INTS12: variants seen among roughly 807,000 people sequenced by gnomAD.
INTS12 encodes integrator complex subunit 12.
A neutral mutation model predicts 41.6 loss-of-function variants in INTS12; 13 were observed. The observed-to-expected ratio is 0.31, with a 90% CI of 0.20 to 0.50. The LOEUF (loss-of-function observed/expected upper bound fraction) is 0.50, where lower values mean the gene tolerates loss of function less well. INTS12 is among the 20% of genes least tolerant of loss of function. INTS12 has a pLI of 0.98. For missense variants in INTS12, 432 were observed against 541.6 expected, an observed-to-expected ratio of 0.80 and a Z score of 2.01; for synonymous variants, 199 against 191.4, an observed-to-expected ratio of 1.04 and a Z score of -0.33.
chr4:105,695,483 C>G, intron 4 of INTS12, 33 bp downstream of exon 4: 1 of 1,537,612 alleles, frequency 6.5e-7, no homozygotes. Flanking sequence ...AACTAATTTA[C>G]TTTCTTTTAA....
intron 1 of INTS12, among the ~76,000 whole-genome samples, chr4:105,707,258 C>A (rs1420014804): frequency 6.6e-6 from 1 of 152,072 alleles, no homozygotes; most frequent in Non-Finnish European, 1.5e-5. Context: ...AATAGTCTCT[C>A]CATTCAAGGA....
At chr4:105,697,432 A>G (rs1731907450) in intron 3 of INTS12, among the ~76,000 whole-genome samples, 1 of 152,186 alleles carries the variant, frequency 6.6e-6, no homozygotes, top group African/African-American at 2.4e-5. Flanking sequence ...AAGAGAAGAA[A>G]AAGGAAGGAG....
chr4:105,687,185 T>C (rs969883758), intron 6 of INTS12: 49 of 243,716 alleles, frequency 2.0e-4, no homozygotes, highest in Admixed American at 1.3e-3. Flanking sequence ...TTATTTCTCA[T>C]TGGGGTTTGT....
chr4:105,693,609 A>G, intron 4 of INTS12, 123 bp from the exon 5 acceptor site: 1 of 687,096 alleles, frequency 1.5e-6, no homozygotes, highest in South Asian at 2.0e-5. Flanking sequence ...ATATTCACAT[A>G]GTTAGGGACA....
chr4:105,695,657 T>C lies in INTS12; in HGVS notation c.168A>G (p.Pro56=). The C allele has an allele frequency of 6.2e-7, 1 of 1,612,104 alleles. No homozygotes were observed. Among genetic ancestry groups the C allele is most frequent in the Non-Finnish European group, 8.5e-7 (1 of 1,179,382 alleles). ...TGTTTTTTGTGCTTGAAATTTTGGG[T>C]GGCTCCACATCCTAAAAGATGAAAA... ...SYRPSQKDVE[P]PKISSTKNIS... The change falls in exon 4 of 8, where the codon CCA becomes CCG. Residue 56 remains proline, a synonymous_variant. Transcript: ENST00000340139.
At chr4:105,695,486 T>C in intron 4 of INTS12, 30 bp downstream of exon 4, 1 of 1,548,750 alleles carries the variant, frequency 6.5e-7, no homozygotes, top group Non-Finnish European at 8.8e-7. Flanking sequence ...TAATTTACTT[T>C]CTTTTAACAA....
intron 2 of INTS12, among the ~76,000 whole-genome samples, chr4:105,701,625 C>G (rs752359029): frequency 3.9e-5 from 6 of 152,100 alleles, no homozygotes; most frequent in Non-Finnish European, 5.9e-5. Flanking sequence ...ACAAGGGTAA[C>G]AGCCTAATCT....
intron 3 of INTS12, among the ~76,000 whole-genome samples, chr4:105,697,945 G>A (rs1025245963): frequency 3.9e-5 from 6 of 152,170 alleles, no homozygotes; most frequent in Non-Finnish European, 8.8e-5. Flanking sequence ...AGCTACTCAA[G>A]AGGCTGAAGT....
chr4:105,683,177 T>G lies in INTS12; in HGVS notation c.945A>C (p.Gln315His). The change falls in exon 8 of 8, where the codon CAA (glutamine) becomes CAC (histidine). Residue 315 changes from glutamine (Q) to histidine (H), a missense_variant. Coordinates refer to ENST00000340139, the MANE Select transcript of INTS12 (RefSeq NM_020395.4). ...AAGTAGCAGGTTTCCCAGTATTGTT[T>G]TGTGTTGTTGAACTCAATTTTGCTG... ...PSTAKLSSTT[Q>H]NNTGKPATSS... 3 of 1,614,086 alleles carry G rather than the reference T, an allele frequency of 1.9e-6. No homozygotes were observed. The highest frequency in any genetic ancestry group is 2.5e-6 in the Non-Finnish European group (3 of 1,179,960).
At chr4:105,695,402 A>G (rs2149184685) in intron 4 of INTS12, 114 bp downstream of exon 4, 1 of 716,884 alleles carries the variant, frequency 1.4e-6, no homozygotes, top group East Asian at 2.8e-5. Flanking sequence ...AGTGTTGATT[A>G]TTATATACCT....
chr4:105,703,078 C>G (rs1241301032), intron 2 of INTS12: 2 of 933,374 alleles, frequency 2.1e-6, no homozygotes, highest in African/African-American at 3.6e-5. Flanking sequence ...TACTTCTATA[C>G]AATTCCTTTC....
intron 4 of INTS12, 53 bp from the exon 5 acceptor site, chr4:105,693,539 T>C (rs550719801): frequency 1.4e-6 from 2 of 1,481,366 alleles, no homozygotes; most frequent in East Asian, 2.3e-5. Flanking sequence ...GAATAAACTT[T>C]AAGTCACTGA....
At chr4:105,691,671 G>A (rs2149181529) in intron 6 of INTS12, among the ~76,000 whole-genome samples, 1 of 152,194 alleles carries the variant, frequency 6.6e-6, no homozygotes, top group South Asian at 2.1e-4. Flanking sequence ...GTGCTGCATG[G>A]TATTTTAAAA....
chr4:105,686,879 C>T, intron 6 of INTS12, 41 bp from the exon 7 acceptor site: 1 of 1,564,296 alleles, frequency 6.4e-7, no homozygotes, highest in Non-Finnish European at 8.8e-7. Context: ...AAAATCTTAA[C>T]TGAATATACA....
At chr4:105,692,670 A>T (rs1731732308) in intron 5 of INTS12, among the ~76,000 whole-genome samples, 1 of 152,014 alleles carries the variant, frequency 6.6e-6, no homozygotes, top group African/African-American at 2.4e-5. Context: ...CCTTAATTAA[A>T]TTTGGCTATT....
intron 7 of INTS12, among the ~76,000 whole-genome samples, chr4:105,684,681 C>A (rs1731442311): frequency 1.3e-5 from 2 of 152,036 alleles, no homozygotes. Context: ...AGAAAAACTA[C>A]ATAAACCATT....
intron 2 of INTS12, chr4:105,700,249 C>G (rs1270750796): frequency 3.9e-6 from 1 of 256,122 alleles, no homozygotes; most frequent in African/African-American, 2.2e-5. Context: ...GTATCCATAT[C>G]GATGGTAACG....
chr4:105,690,792 AAGAT>A (rs762787177), intron 6 of INTS12, among the ~76,000 whole-genome samples: 1 of 152,222 alleles, frequency 6.6e-6, no homozygotes, highest in African/African-American at 2.4e-5. Flanking sequence ...ATACTAAAGA[AAGAT>A]AGATTATTGT....
chr4:105,694,304 C>T (rs1731785411), intron 4 of INTS12, among the ~76,000 whole-genome samples: 1 of 152,016 alleles, frequency 6.6e-6, no homozygotes, highest in Admixed American at 6.6e-5. Flanking sequence ...AAAGGATATA[C>T]ACACACACAG....
Sources: allele counts gnomAD v4.1 joint callset (sites outside exome capture counted in the v4.1 genomes callset), GRCh38; gene constraint gnomAD v4.1.1; transcripts MANE v1.5; gene names NCBI Gene and HGNC (gene_info 2026-07-23, HGNC 2026-07-21).